The following ADAMTS12 variants were observed in gnomAD, a reference collection of about 807,000 sequenced individuals.
ADAMTS12 encodes A disintegrin and metalloproteinase with thrombospondin motifs 12.
A neutral mutation model predicts 167.8 loss-of-function variants in ADAMTS12; 118 were observed. That is an observed-to-expected ratio of 0.70 (90% CI 0.61 to 0.82). The LOEUF is 0.82. Among genes scored for constraint, ADAMTS12 ranks in the 40% least tolerant of loss-of-function variants. The probability of loss-of-function intolerance (pLI) is 0.00; values close to 1 mark genes in which losing one functional copy is unlikely to be tolerated. For synonymous variants in ADAMTS12, 704 were observed against 716.9 expected (o/e 0.98, Z 0.29); for missense variants, 1,916 against 1,998.8 (o/e 0.96, Z 0.79).
At chr5:33,803,099 A>G (rs1023529274) in intron 2 of ADAMTS12, among the ~76,000 whole-genome samples, 2 of 151,140 alleles carry the variant, frequency 1.3e-5, no homozygotes, top group Non-Finnish European at 2.9e-5. Context: ...CTAGAGGGCT[A>G]GGAAAAGACT....
intron 2 of ADAMTS12, among the ~76,000 whole-genome samples, chr5:33,870,232 G>A (rs1404331753): frequency 2.0e-5 from 3 of 152,136 alleles, no homozygotes; most frequent in Non-Finnish European, 4.4e-5. Context: ...AGGGTCCTGA[G>A]GCGACATACA....
intron 22 of ADAMTS12, among the ~76,000 whole-genome samples, chr5:33,540,762 TAACA>T (rs1744655282): frequency 6.6e-6 from 1 of 152,112 alleles, no homozygotes; most frequent in African/African-American, 2.4e-5. Context: ...GAAGGAAAAC[TAACA>T]AACAGAAAGG....
intron 21 of ADAMTS12, 69 bp downstream of exon 21, chr5:33,549,138 T>C (rs565701255): frequency 1.3e-5 from 20 of 1,548,574 alleles, no homozygotes; most frequent in Admixed American, 1.1e-4. Context: ...TCTACACTTA[T>C]GCAGTAACAC....
intron 5 of ADAMTS12, 77 bp downstream of exon 5, chr5:33,682,941 A>C: frequency 1.6e-6 from 2 of 1,219,578 alleles, no homozygotes; most frequent in Non-Finnish European, 2.4e-6. Flanking sequence ...TTTCTTGTCT[A>C]CCAAGAACTC....
rs1442994607 is a variant in ADAMTS12, at chr5:33,526,045, T to C, written c.*1143A>G. On this transcript the variant is annotated 3_prime_UTR_variant, in exon 24 of 24. Coordinates refer to ENST00000504830, the MANE Select transcript of ADAMTS12 (RefSeq NM_030955.4). ...AAAGATCTTTAAGACTAACTACATA[T>C]TGGGTACACTGAGGAGTAGATCCCC... 4.6e-5 allele frequency: 7 copies of C among 152,238 alleles called. No individual in the cohort carries two copies. The highest frequency in any genetic ancestry group is 3.3e-4 in the Admixed American group (5 of 15,284). 9.4% of individuals were successfully genotyped at this position (152,238 alleles called of 1,614,324 possible).
At chr5:33,541,024 T>C (rs982831127) in intron 22 of ADAMTS12, among the ~76,000 whole-genome samples, 4 of 152,104 alleles carry the variant, frequency 2.6e-5, no homozygotes, top group Admixed American at 6.6e-5. Context: ...AGGTCAGTAA[T>C]AACAATTTCT....
chr5:33,548,130 T>A (rs1745072151), intron 21 of ADAMTS12, among the ~76,000 whole-genome samples: 1 of 152,206 alleles, frequency 6.6e-6, no homozygotes, highest in African/African-American at 2.4e-5. Context: ...TAGCCTCAGG[T>A]TGGGATTCTC....
intron 22 of ADAMTS12, among the ~76,000 whole-genome samples, chr5:33,535,864 A>G (rs371673320): frequency 5.3e-4 from 80 of 152,164 alleles, no homozygotes; most frequent in South Asian, 2.3e-3. Context: ...GGGGGTAGGG[A>G]CAGGGCTGAG....
rs968817930 is a variant in ADAMTS12, at chr5:33,531,160, G to C, written c.4606+3673C>G. Among the ~76,000 whole-genome samples the C allele has an allele frequency of 6.6e-5, 10 of 152,330 alleles. No individual in the cohort carries two copies. The East Asian group carries it at 1.9e-3, about 29-fold the overall frequency. On this transcript the variant is annotated intron_variant, in intron 23 of 23. Coordinates refer to ENST00000504830, the MANE Select transcript of ADAMTS12 (RefSeq NM_030955.4). Reference sequence around the variant, plus strand: ...CTGGAATTCAGTTTCTGTAAGCCAAGGAATGCCAGTGATGGCCGGCAACCG... The same window carrying C: ...CTGGAATTCAGTTTCTGTAAGCCAACGAATGCCAGTGATGGCCGGCAACCG...
chr5:33,842,295 T>C (rs929850790), intron 2 of ADAMTS12, among the ~76,000 whole-genome samples: 1 of 152,222 alleles, frequency 6.6e-6, no homozygotes, highest in African/African-American at 2.4e-5. Context: ...CTTTCATCTT[T>C]GTTGTGGTCC....
intron 16 of ADAMTS12, among the ~76,000 whole-genome samples, chr5:33,604,788 G>T (rs973239740): frequency 1.3e-5 from 2 of 152,026 alleles, no homozygotes; most frequent in Non-Finnish European, 2.9e-5. Flanking sequence ...AGAAAGGGTG[G>T]GGTGCATACA....
At chr5:33,588,488 T>A in intron 18 of ADAMTS12, 111 bp downstream of exon 18, 4 of 1,286,010 alleles carry the variant, frequency 3.1e-6, no homozygotes, top group Non-Finnish European at 4.5e-6. Flanking sequence ...TGATGAACAC[T>A]GGCTATTTTG....
Position 33,624,129 on chromosome 5 carries a change from A to G in ADAMTS12, c.2143+102T>C, listed in dbSNP as rs1049471165. 3.3e-6 allele frequency: 5 copies of G among 1,507,186 alleles called. No individual in the cohort carries two copies. The African/African-American group carries it at 5.5e-5, about 17-fold the overall frequency. The allele number at this position is 1,507,186 out of a possible 1,614,324, so 93.4% of individuals were successfully genotyped here. A position where few individuals can be genotyped will look rare whatever the true frequency, so the allele number is the denominator to read the frequency against. ...ATTTTGAATACTTTGAAAATCACAG[A>G]CTGTTTAAAGAAATAAAAACAAAAA... On this transcript the variant is annotated intron_variant, in intron 14 of 23. Transcript: ENST00000504830.
At chr5:33,628,597 C>T (rs116372192) in intron 13 of ADAMTS12, among the ~76,000 whole-genome samples, 2,315 of 152,084 alleles carry the variant, frequency 0.015, 61 homozygotes, top group African/African-American at 0.053. Flanking sequence ...ATATTCACAA[C>T]GAATGCAGAT....
At chr5:33,883,605 A>G (rs1750533688) in intron 1 of ADAMTS12, among the ~76,000 whole-genome samples, 2 of 152,158 alleles carry the variant, frequency 1.3e-5, no homozygotes, top group African/African-American at 4.8e-5. Flanking sequence ...AGCTACTTAC[A>G]TTCATGGAAA....
At chr5:33,872,649 TAAG>T (rs1750082658) in intron 2 of ADAMTS12, among the ~76,000 whole-genome samples, 1 of 152,082 alleles carries the variant, frequency 6.6e-6, no homozygotes, top group Admixed American at 6.5e-5. Context: ...CAACAATGTA[TAAG>T]AAGACATTTG....
intron 19 of ADAMTS12, among the ~76,000 whole-genome samples, chr5:33,564,011 T>C (rs1039862851): frequency 6.6e-6 from 1 of 152,222 alleles, no homozygotes; most frequent in Admixed American, 6.5e-5. Context: ...CTACTTACAG[T>C]GTTAGCTCAG....
intron 2 of ADAMTS12, among the ~76,000 whole-genome samples, chr5:33,843,439 G>GT (rs1748823017): frequency 1.3e-5 from 2 of 152,326 alleles, no homozygotes; most frequent in Non-Finnish European, 1.5e-5. Context: ...CAAGGGGGTA[G>GT]TGAGTAGCCA....
At chr5:33,842,552 A>G (rs1314880748) in intron 2 of ADAMTS12, among the ~76,000 whole-genome samples, 1 of 152,264 alleles carries the variant, frequency 6.6e-6, no homozygotes, top group Non-Finnish European at 1.5e-5. Context: ...ACTTTTAAAC[A>G]GAGCTTTTCA....
Sources: gnomAD v4.1 joint callset for allele counts (sites outside exome capture counted in the v4.1 genomes callset) on GRCh38, gnomAD v4.1.1 for gene constraint, MANE v1.5 for transcripts, NCBI Gene and HGNC (gene_info 2026-07-23, HGNC 2026-07-21) for gene names.